Variants in UBE2E2 observed in about 807,000 individuals in gnomAD.
UBE2E2 encodes the protein ubiquitin-conjugating enzyme E2 E2.
In UBE2E2, 6 loss-of-function variants were observed where a neutral mutation model predicts 24.7. The ratio of observed to expected loss-of-function variants is 0.24; its 90% confidence interval spans 0.13 to 0.48. UBE2E2 has a LOEUF of 0.48. Ranked by LOEUF, UBE2E2 falls within the 20% of genes least tolerant of loss-of-function variation. UBE2E2 has a pLI of 0.99. For missense variants in UBE2E2, 169 were observed against 245.0 expected (o/e 0.69, Z 2.07); for synonymous variants, 104 against 83.6 (o/e 1.24, Z -1.33).
At chr3:23,449,069 G>A (rs187700454) in intron 3 of UBE2E2, among the ~76,000 whole-genome samples, 1 of 152,150 alleles carries the variant, frequency 6.6e-6, no homozygotes, top group Non-Finnish European at 1.5e-5. Flanking sequence ...GCATGCCATT[G>A]TAAGTATACT....
At chr3:23,354,975 A>T (rs1695897067) in intron 3 of UBE2E2, among the ~76,000 whole-genome samples, 1 of 152,164 alleles carries the variant, frequency 6.6e-6, no homozygotes, top group East Asian at 1.9e-4. Flanking sequence ...ACTTGGAACC[A>T]ACCCAAATGT....
intron 3 of UBE2E2, among the ~76,000 whole-genome samples, chr3:23,355,978 A>G (rs116497331): frequency 2.0e-5 from 3 of 152,362 alleles, no homozygotes; most frequent in Admixed American, 6.5e-5. Context: ...GCTGCCAGCT[A>G]TCAACTGATT....
chr3:23,439,852 G>A (rs1698261289), intron 3 of UBE2E2, among the ~76,000 whole-genome samples: 1 of 151,938 alleles, frequency 6.6e-6, no homozygotes, highest in African/African-American at 2.4e-5. Context: ...CCCATTTTGT[G>A]TTTTAACCTA....
chr3:23,552,910 G>A (rs1695677069), intron 5 of UBE2E2, among the ~76,000 whole-genome samples: 1 of 152,084 alleles, frequency 6.6e-6, no homozygotes, highest in South Asian at 2.1e-4. Flanking sequence ...CATGTGTATA[G>A]CAAAATTAAT....
chr3:23,463,755 C>G (rs1383352659), intron 3 of UBE2E2, among the ~76,000 whole-genome samples: 1 of 152,084 alleles, frequency 6.6e-6, no homozygotes, highest in Non-Finnish European at 1.5e-5. Context: ...GATGCCTTAT[C>G]AAATATGTTT....
At chr3:23,318,183 A>AT (rs1373599338) in intron 3 of UBE2E2, among the ~76,000 whole-genome samples, 2 of 152,026 alleles carry the variant, frequency 1.3e-5, no homozygotes, top group African/African-American at 4.8e-5. Flanking sequence ...TAATGAATGA[A>AT]TGACAGGGTC....
intron 5 of UBE2E2, among the ~76,000 whole-genome samples, chr3:23,570,929 TAAGTC>T (rs1696203934): frequency 6.6e-6 from 1 of 152,200 alleles, no homozygotes; most frequent in African/African-American, 2.4e-5. Flanking sequence ...ATCACTTCCT[TAAGTC>T]TAGACAGTCA....
intron 3 of UBE2E2, among the ~76,000 whole-genome samples, chr3:23,363,532 A>G (rs13084327): frequency 0.1 from 15,642 of 152,330 alleles, 939 homozygotes; most frequent in East Asian, 0.13. Flanking sequence ...TAAACCACCA[A>G]TGATCAGAAA....
intron 5 of UBE2E2, among the ~76,000 whole-genome samples, chr3:23,584,662 T>A (rs1427917870): frequency 6.7e-6 from 1 of 149,454 alleles, no homozygotes; most frequent in Non-Finnish European, 1.5e-5. Flanking sequence ...CCAGTGAACC[T>A]CCTACCTCAG....
intron 3 of UBE2E2, among the ~76,000 whole-genome samples, chr3:23,403,271 A>T (rs1697275395): frequency 1.3e-5 from 2 of 152,224 alleles, no homozygotes; most frequent in South Asian, 4.1e-4. Context: ...ACTGTCAAAA[A>T]CATGAAAATT....
chr3:23,555,251 A>T (rs1051553746), intron 5 of UBE2E2, among the ~76,000 whole-genome samples: 1 of 152,200 alleles, frequency 6.6e-6, no homozygotes, highest in Non-Finnish European at 1.5e-5. Context: ...GATGACATTA[A>T]AATGGCCAAT....
chr3:23,283,080 A>G (rs1036985497), intron 3 of UBE2E2, among the ~76,000 whole-genome samples: 3 of 152,208 alleles, frequency 2.0e-5, no homozygotes, highest in African/African-American at 7.2e-5. Context: ...CAGGACAGCT[A>G]GAACAGGTTG....
intron 3 of UBE2E2, among the ~76,000 whole-genome samples, chr3:23,272,400 C>T (rs562697280): frequency 2.0e-5 from 3 of 149,484 alleles, no homozygotes; most frequent in Admixed American, 7.1e-5. Flanking sequence ...CACACCTCCC[C>T]GCAAGCAGAG....
intron 3 of UBE2E2, among the ~76,000 whole-genome samples, chr3:23,278,941 AG>A (rs1159312390): frequency 7.6e-6 from 1 of 131,628 alleles, no homozygotes; most frequent in Non-Finnish European, 1.7e-5. Flanking sequence ...TTCATTTTCC[AG>A]TTTTTTTTAA....
intron 3 of UBE2E2, among the ~76,000 whole-genome samples, chr3:23,446,471 A>G (rs1000446179): frequency 1.3e-5 from 2 of 152,182 alleles, no homozygotes; most frequent in African/African-American, 4.8e-5. Flanking sequence ...GGCTGACTGA[A>G]TTTTGAGTGA....
intron 3 of UBE2E2, among the ~76,000 whole-genome samples, chr3:23,405,793 ATTTAT>A (rs1575609075): frequency 6.6e-6 from 1 of 152,162 alleles, no homozygotes; most frequent in African/African-American, 2.4e-5. Context: ...ATTAATAATG[ATTTAT>A]TTTAAGGCAT....
rs1054751729 is a variant in UBE2E2, at chr3:23,387,110, C to T, written c.228-112498C>T. Among the ~76,000 whole-genome samples the T allele has an allele frequency of 5.3e-5, 8 of 152,166 alleles. No homozygotes were observed. The South Asian group carries it at 1.2e-3, about 24-fold the overall frequency. ...GGTAGGAGTAGAGTTCAAAATGAAG[C>T]AAAGTTTAAGACGCACATATGCAGA... On this transcript the variant is annotated intron_variant, in intron 3 of 5. Transcript: ENST00000396703.
intron 3 of UBE2E2, among the ~76,000 whole-genome samples, chr3:23,433,376 C>T (rs778501): frequency 0.59 from 88,672 of 151,382 alleles, 26,334 homozygotes; most frequent in East Asian, 0.74. Context: ...TTGTTTTATG[C>T]GTGCTTCTAG....
intron 3 of UBE2E2, among the ~76,000 whole-genome samples, chr3:23,428,997 A>T (rs563182753): frequency 2.0e-4 from 30 of 151,970 alleles, no homozygotes; most frequent in Admixed American, 6.5e-4. Flanking sequence ...GAACATTAAA[A>T]GGGTAATAAA....
Sources: gnomAD v4.1 joint callset for allele counts (sites outside exome capture counted in the v4.1 genomes callset) on GRCh38, gnomAD v4.1.1 for gene constraint, MANE v1.5 for transcripts, NCBI Gene and HGNC (gene_info 2026-07-23, HGNC 2026-07-21) for gene names.